The following MGMT variants were observed in gnomAD, a reference collection of about 807,000 sequenced individuals.
MGMT encodes the protein methylated-DNA--protein-cysteine methyltransferase.
MGMT carries 14 observed loss-of-function variants against 15.9 expected under a neutral mutation model. That is an observed-to-expected ratio of 0.88 (90% confidence interval 0.58 to 1.37). MGMT has a LOEUF of 1.37. Ranked by LOEUF, MGMT falls within the 40% of genes most tolerant of loss-of-function variation. The pLI is 0.00. For missense variants in MGMT, 282 were observed against 268.1 expected, an observed-to-expected ratio of 1.05 and a Z score of -0.36; for synonymous variants, 130 against 118.2, an observed-to-expected ratio of 1.10 and a Z score of -0.65.
chr10:129,586,427 G>T (rs1323769364), intron 2 of MGMT, among the ~76,000 whole-genome samples: 1 of 152,094 alleles, frequency 6.6e-6, no homozygotes, highest in African/African-American at 2.4e-5. Flanking sequence ...ATTTTGTGAT[G>T]CACATATATA....
At chr10:129,579,898 C>T (rs1724455800) in intron 2 of MGMT, among the ~76,000 whole-genome samples, 1 of 152,144 alleles carries the variant, frequency 6.6e-6, no homozygotes, top group Non-Finnish European at 1.5e-5. Flanking sequence ...TCAGAAAAGC[C>T]CTTGACACTT....
rs1361138533 is a variant in MGMT at position 129,645,522 on chromosome 10, G to A, written c.126-62373G>A. On this transcript the variant is annotated intron_variant, in intron 2 of 4. Transcript: ENST00000651593. ...GCAGGTTGATGGCTGGAAGGGGGAA[G>A]GGTTCTGTGGTCAGGCCTGTGCTTC... is the stretch of plus-strand genomic sequence containing the variant. Among the ~76,000 whole-genome samples the A allele has an allele frequency of 2.0e-5, 3 of 152,166 alleles. No homozygotes were observed. In the East Asian group the frequency reaches 5.8e-4, roughly 29 times the overall value.
chr10:129,626,990 C>T (rs981730985), intron 2 of MGMT, among the ~76,000 whole-genome samples: 1 of 152,178 alleles, frequency 6.6e-6, no homozygotes, highest in African/African-American at 2.4e-5. Context: ...TGCTGCCCGC[C>T]TCTGAGGGGA....
At chr10:129,625,522 G>C (rs1472783985) in intron 2 of MGMT, among the ~76,000 whole-genome samples, 2 of 152,200 alleles carry the variant, frequency 1.3e-5, no homozygotes, top group Non-Finnish European at 1.5e-5. Flanking sequence ...TATATTTCCA[G>C]TGGGGTTTAT....
chr10:129,680,052 A>C (rs920234487), intron 2 of MGMT, among the ~76,000 whole-genome samples: 2 of 152,228 alleles, frequency 1.3e-5, no homozygotes, highest in East Asian at 1.9e-4. Flanking sequence ...AGTGCTGTAC[A>C]ATGGTGCAAT....
chr10:129,559,227 A>T (rs1226106265), intron 2 of MGMT, among the ~76,000 whole-genome samples: 1 of 152,216 alleles, frequency 6.6e-6, no homozygotes, highest in Non-Finnish European at 1.5e-5. Flanking sequence ...TAGGCAATAC[A>T]TTTACCTGTA....
chr10:129,515,006 T>A (rs923853632), intron 1 of MGMT, among the ~76,000 whole-genome samples: 1 of 152,120 alleles, frequency 6.6e-6, no homozygotes, highest in Admixed American at 6.5e-5. Flanking sequence ...TTGGGGGTCA[T>A]TGGACTCTAA....
chr10:129,608,961 A>G (rs1027463444), intron 2 of MGMT, among the ~76,000 whole-genome samples: 1 of 152,278 alleles, frequency 6.6e-6, no homozygotes, highest in Non-Finnish European at 1.5e-5. Context: ...ATGCTTACGC[A>G]GTACACTGTG....
At chr10:129,469,465 C>T (rs1210074128) in intron 1 of MGMT, among the ~76,000 whole-genome samples, 1 of 152,144 alleles carries the variant, frequency 6.6e-6, no homozygotes, top group Non-Finnish European at 1.5e-5. Flanking sequence ...TTCTGCACTT[C>T]ATTCTGACCC....
At chr10:129,722,073 A>T (rs11016891) in intron 3 of MGMT, among the ~76,000 whole-genome samples, 2,432 of 152,284 alleles carry the variant, frequency 0.016, 65 homozygotes, top group African/African-American at 0.056. Context: ...ATGGAAGGAA[A>T]AAAAAAGGAA....
chr10:129,675,119 G>A (rs943460706), intron 2 of MGMT, among the ~76,000 whole-genome samples: 2 of 152,228 alleles, frequency 1.3e-5, no homozygotes, highest in African/African-American at 4.8e-5. Flanking sequence ...AGGAGGACCT[G>A]TGTGCTTGCC....
rs1410056919 is a variant in MGMT at position 129,518,810 on chromosome 10, TG to T, written c.-12-17426del. 8.6e-5 allele frequency among the ~76,000 whole-genome samples: 13 copies of T among 151,674 alleles called. No homozygotes were observed. In the East Asian group the frequency reaches 2.2e-3, roughly 25 times the overall value. On this transcript the variant is annotated intron_variant, in intron 1 of 4. Transcript: ENST00000651593. ...CAGTAGGGTATTAGCAGTTAAGTTT[TG>T]GGGGAGTCAAAAGGTTATGTGGATT...
At chr10:129,738,688 A>G (rs146239329) in intron 3 of MGMT, among the ~76,000 whole-genome samples, 2,525 of 152,262 alleles carry the variant, frequency 0.017, 37 homozygotes, top group Non-Finnish European at 0.024. Flanking sequence ...ATGTGTCTTT[A>G]TAGTAGCATG....
chr10:129,646,674 C>T (rs1323280940), intron 2 of MGMT, among the ~76,000 whole-genome samples: 1 of 141,004 alleles, frequency 7.1e-6, no homozygotes, highest in East Asian at 2.0e-4. Flanking sequence ...ATGGGGAATG[C>T]AAAATAAGGA....
intron 1 of MGMT, among the ~76,000 whole-genome samples, chr10:129,480,823 A>T (rs1845349738): frequency 6.6e-6 from 1 of 152,246 alleles, no homozygotes; most frequent in South Asian, 2.1e-4. Flanking sequence ...CATCCGCCAG[A>T]TATGCAAGTC....
intron 3 of MGMT, among the ~76,000 whole-genome samples, chr10:129,725,653 G>T (rs1335481242): frequency 6.6e-6 from 1 of 152,184 alleles, no homozygotes; most frequent in Admixed American, 6.5e-5. Flanking sequence ...CCACTTCCTC[G>T]GAGGTCTGTC....
chr10:129,710,156 A>G (rs1848214671), intron 3 of MGMT, among the ~76,000 whole-genome samples: 4 of 152,142 alleles, frequency 2.6e-5, no homozygotes. Flanking sequence ...CTGGGCTGGC[A>G]GGTCATGATA....
chr10:129,565,215 A>G (rs1287817093), intron 2 of MGMT, among the ~76,000 whole-genome samples: 2 of 152,076 alleles, frequency 1.3e-5, no homozygotes, highest in South Asian at 2.1e-4. Context: ...ACCGTGTCCC[A>G]GTGTAGTGTC....
chr10:129,520,889 G>A (rs1351298609), intron 1 of MGMT, among the ~76,000 whole-genome samples: 1 of 147,994 alleles, frequency 6.8e-6, no homozygotes, highest in African/African-American at 2.5e-5. Context: ...CAGTGCGGGT[G>A]CAGAGCCCCT....
Sources: gnomAD v4.1 joint callset for allele counts (sites outside exome capture counted in the v4.1 genomes callset) on GRCh38, gnomAD v4.1.1 for gene constraint, MANE v1.5 for transcripts, NCBI Gene and HGNC (gene_info 2026-07-23, HGNC 2026-07-21) for gene names.